The following MCC variants were observed in gnomAD, a reference collection of about 807,000 sequenced individuals.
MCC encodes colorectal mutant cancer protein.
In MCC, 90 loss-of-function variants were observed where a neutral mutation model predicts 116.2. The ratio of observed to expected loss-of-function variants is 0.77; its 90% CI spans 0.65 to 0.92. The LOEUF (loss-of-function observed/expected upper bound fraction) is 0.92. MCC is among the 40% of genes least tolerant of loss of function. The pLI is 0.00. For missense variants in MCC, 1,516 were observed against 1,312.2 expected (o/e 1.16, Z -2.40); for synonymous variants, 578 against 510.5 (o/e 1.13, Z -1.78).
chr5:113,434,056 G>A lies in MCC; in HGVS notation c.171-48844C>T, dbSNP rs1233531585. 1 of 1,614,100 alleles carries A rather than the reference G, an allele frequency of 6.2e-7. No homozygotes were observed. The highest frequency in any genetic ancestry group is 1.7e-5 in the Admixed American group (1 of 60,028). ...CAGTGGCTGAGGATCTCGTCGATGTGGAGCCGCCGGTTGACGTCGGGCTGC... is the reference window on the plus strand; with the variant it reads ...CAGTGGCTGAGGATCTCGTCGATGTAGAGCCGCCGGTTGACGTCGGGCTGC... On this transcript the variant is annotated intron_variant, in intron 1 of 18. Coordinates refer to ENST00000408903, the MANE Select transcript of MCC (RefSeq NM_001085377.2). This position sits in a 1 kb window ranked among gnomAD's most constrained non-coding sequence, Gnocchi z 4.2.
Position 113,289,295 on chromosome 5 carries a change from C to G in MCC, c.627+51224G>C, listed in dbSNP as rs561470606. On this transcript the variant is annotated intron_variant, in intron 3 of 18. Transcript: ENST00000408903. ...AGTGAGCCGAGATTGCGCCACTGCA[C>G]TCTAGCCTGGGTAACACAGAGAGGC... Among the ~76,000 whole-genome samples, 3 of 146,500 alleles carry G rather than the reference C, an allele frequency of 2.0e-5. No homozygotes were observed. In the East Asian group the frequency reaches 6.0e-4, roughly 29 times the overall value.
intron 3 of MCC, among the ~76,000 whole-genome samples, chr5:113,334,306 C>G (rs1432297086): frequency 1.3e-5 from 2 of 150,528 alleles, no homozygotes; most frequent in Non-Finnish European, 2.9e-5. Context: ...CTCCCGAGCT[C>G]AAGTGATCCT....
chr5:113,047,434 TC>T (rs1752169565), intron 16 of MCC, among the ~76,000 whole-genome samples: 1 of 152,192 alleles, frequency 6.6e-6, no homozygotes, highest in African/African-American at 2.4e-5. Flanking sequence ...TTGTCTTGGC[TC>T]CTCAGCAAGT....
At chr5:113,460,686 T>C (rs1409101338) in intron 1 of MCC, among the ~76,000 whole-genome samples, 2 of 152,192 alleles carry the variant, frequency 1.3e-5, no homozygotes. Context: ...ATTGAAGACC[T>C]GGCTCCTTAT....
intron 15 of MCC, 73 bp downstream of exon 15, chr5:113,053,652 G>A: frequency 9.3e-7 from 1 of 1,074,612 alleles, no homozygotes. Context: ...CTTATCTGCT[G>A]GACCTGCTTT....
chr5:113,444,510 A>G (rs990941497), intron 1 of MCC, among the ~76,000 whole-genome samples: 1 of 152,184 alleles, frequency 6.6e-6, no homozygotes, highest in African/African-American at 2.4e-5. Context: ...CTTCTAAACT[A>G]TATATATCCA....
At chr5:113,468,926 G>A (rs1326834374) in intron 1 of MCC, among the ~76,000 whole-genome samples, 16 of 152,028 alleles carry the variant, frequency 1.1e-4, no homozygotes, top group Non-Finnish European at 2.1e-4. Context: ...TGTATGTGTC[G>A]AGGAATTTAT....
At position 113,049,110 on chromosome 5, in the gene MCC, TG is replaced by T; in HGVS notation, c.2637del (p.Ser879ArgfsTer19). 1 of 1,614,208 alleles carries T rather than the reference TG, an allele frequency of 6.2e-7. No individual in the cohort carries two copies. On this transcript the variant is annotated frameshift_variant, in exon 16 of 19. Coordinates refer to ENST00000408903, the MANE Select transcript of MCC (RefSeq NM_001085377.2). LOFTEE classifies it high-confidence loss of function. ...GGCCCTACCTTGCCAGGTTTGTCTT[TG>T]CTGCCGCTGCTGGTGGAGCTGAGGG... ...MRSLSSTSSG[S>X]KDKPGKECAD...
chr5:113,321,069 T>C (rs1767412111), intron 3 of MCC, among the ~76,000 whole-genome samples: 1 of 152,240 alleles, frequency 6.6e-6, no homozygotes, highest in Admixed American at 6.5e-5. Context: ...TCAGTAATCA[T>C]TTTGCTGTTT....
intron 5 of MCC, among the ~76,000 whole-genome samples, chr5:113,133,238 T>C (rs1758574177): frequency 6.6e-6 from 1 of 152,066 alleles, no homozygotes; most frequent in Non-Finnish European, 1.5e-5. Context: ...TCTTACTTCT[T>C]CTATCTACCT....
At chr5:113,313,815 T>TTTTGTTTG (rs148186587) in intron 3 of MCC, among the ~76,000 whole-genome samples, 9 of 151,426 alleles carry the variant, frequency 5.9e-5, no homozygotes, top group African/African-American at 1.9e-4. Context: ...TTTTGTTTTG[T>TTTTGTTTG]TTTGTTTGTT....
intron 3 of MCC, among the ~76,000 whole-genome samples, chr5:113,195,604 G>C (rs1448863735): frequency 1.3e-5 from 2 of 152,152 alleles, no homozygotes; most frequent in Non-Finnish European, 2.9e-5. Flanking sequence ...GCCTGAGAAA[G>C]AAAGGTAATC....
At chr5:113,201,426 C>T (rs1762676542) in intron 3 of MCC, among the ~76,000 whole-genome samples, 1 of 151,748 alleles carries the variant, frequency 6.6e-6, no homozygotes, top group Admixed American at 6.6e-5. Flanking sequence ...ACTACTGGCC[C>T]ACAGCAGTGT....
chr5:113,380,499 C>CTCATTCATTCATTCATTCAT (rs113806132), intron 2 of MCC, among the ~76,000 whole-genome samples: 1 of 151,232 alleles, frequency 6.6e-6, no homozygotes, highest in Non-Finnish European at 1.5e-5. Context: ...CAGTGCATTG[C>CTCATTCATTCATTCATTCAT]TCATTCATTC....
intron 5 of MCC, among the ~76,000 whole-genome samples, chr5:113,125,862 C>G (rs1297946669): frequency 3.3e-5 from 5 of 152,168 alleles, no homozygotes; most frequent in African/African-American, 1.2e-4. Flanking sequence ...CAAGCAATAA[C>G]TTATTTCTTT....
intron 3 of MCC, among the ~76,000 whole-genome samples, chr5:113,203,770 G>A (rs1561455320): frequency 6.6e-6 from 1 of 152,208 alleles, no homozygotes; most frequent in Non-Finnish European, 1.5e-5. Context: ...AGGTTAAGAT[G>A]CGCTCTAGAC....
intron 17 of MCC, among the ~76,000 whole-genome samples, chr5:113,041,185 G>C (rs1048126934): frequency 1.9e-4 from 29 of 152,174 alleles, no homozygotes; most frequent in African/African-American, 6.5e-4. Flanking sequence ...AAATCAGGAA[G>C]GTAGTGAAGT....
In MCC at chr5:113,140,027, A is replaced by G. The variant is rs183673572; in HGVS notation, c.884+3191T>C. ...AGAAAATATTTGCAAACTATGCATC[A>G]AAGGTCTATCCAGCATCTCTAAGGA... is the stretch of plus-strand genomic sequence containing the variant. On this transcript the variant is annotated intron_variant, in intron 5 of 18. Coordinates refer to ENST00000408903, the MANE Select transcript of MCC (RefSeq NM_001085377.2). Among the ~76,000 whole-genome samples the G allele has an allele frequency of 2.0e-5, 3 of 152,346 alleles. No individual in the cohort carries two copies. The East Asian group carries it at 5.8e-4, about 29-fold the overall frequency.
chr5:113,136,137 G>C (rs1042263095), intron 5 of MCC, among the ~76,000 whole-genome samples: 1 of 152,174 alleles, frequency 6.6e-6, no homozygotes, highest in Non-Finnish European at 1.5e-5. Context: ...TATGCATAGC[G>C]TAGCCATTGC....
Sources: gnomAD v4.1 joint callset for allele counts (sites outside exome capture counted in the v4.1 genomes callset) on GRCh38, gnomAD v4.1.1 for gene constraint, Gnocchi (gnomAD v3.1) non-coding constraint, MANE v1.5 for transcripts, NCBI Gene and HGNC (gene_info 2026-07-23, HGNC 2026-07-21) for gene names.